GLIS3: variants seen among roughly 807,000 people sequenced by gnomAD.
GLIS3 encodes zinc finger protein GLIS3.
A neutral mutation model predicts 78.6 loss-of-function variants in GLIS3; 53 were observed. That is an observed-to-expected ratio of 0.67 (90% CI 0.54 to 0.85). GLIS3 has a LOEUF of 0.85. GLIS3 is among the 40% of genes least tolerant of loss of function. The pLI is 0.00. For synonymous variants in GLIS3, 684 were observed against 509.9 expected, an observed-to-expected ratio of 1.34 and a Z score of -4.60; for missense variants, 1,703 against 1,231.1, an observed-to-expected ratio of 1.38 and a Z score of -5.74.
At position 4,118,794 on chromosome 9, in the gene GLIS3, G is replaced by A. The variant is rs1257788865; in HGVS notation, c.684C>T (p.Ser228=). The change falls in exon 4 of 11, where the codon TCC becomes TCT. Residue 228 remains serine (S), a synonymous_variant. Coordinates refer to ENST00000381971, the MANE Select transcript of GLIS3 (RefSeq NM_001042413.2). The surrounding 1 kb of genome is among the most constrained non-coding windows in gnomAD (Gnocchi z 4.7). The stretch of plus-strand genomic sequence containing the variant: ...GCGAAGGGAGGGCCCTGTAGCCCTG[G>A]GACCACTCCTGCTTCATGCTTGAGG... ...QSASSMKQEW[S]QGYRALPSLS... 6.2e-7 allele frequency: 1 copy of A among 1,611,300 alleles called. No homozygotes were observed. Among genetic ancestry groups the A allele is most frequent in the Non-Finnish European group, 8.5e-7 (1 of 1,180,012 alleles).
At chr9:4,417,143 CGAT>C in the GLIS3 span, among the ~76,000 whole-genome samples, 1 of 151,994 alleles carries the variant, frequency 6.6e-6, no homozygotes, top group East Asian at 1.9e-4. Flanking sequence ...AACAAATAGT[CGAT>C]GACCAATCAA....
chr9:4,180,830 A>G (rs576560689), intron 2 of GLIS3, among the ~76,000 whole-genome samples: 1 of 152,276 alleles, frequency 6.6e-6, no homozygotes, highest in South Asian at 2.1e-4. Context: ...ACCAGTCAAT[A>G]AAATCTCAAA....
chr9:4,463,141 G>A, the GLIS3 span, among the ~76,000 whole-genome samples: 11 of 152,176 alleles, frequency 7.2e-5, no homozygotes, highest in Non-Finnish European at 1.0e-4. Context: ...GTCACAGAAC[G>A]CAGTGAATAT....
chr9:3,940,215 A>G (rs1223822513), intron 4 of GLIS3, among the ~76,000 whole-genome samples: 2 of 152,232 alleles, frequency 1.3e-5, no homozygotes, highest in Non-Finnish European at 2.9e-5. Flanking sequence ...GATTGTTACA[A>G]AATATACCAA....
intron 4 of GLIS3, among the ~76,000 whole-genome samples, chr9:3,968,648 T>G (rs1460541531): frequency 6.6e-6 from 1 of 152,190 alleles, no homozygotes; most frequent in Non-Finnish European, 1.5e-5. Context: ...TCATCATTTT[T>G]AACAGTAAAT....
chr9:4,061,113 C>T (rs1207255575), intron 4 of GLIS3, among the ~76,000 whole-genome samples: 3 of 151,872 alleles, frequency 2.0e-5, no homozygotes, highest in South Asian at 2.1e-4. Context: ...ATGTGCACAA[C>T]GTGCAGGTTT....
rs1825937114 is a variant in GLIS3, at chr9:3,937,035, A to G, written c.1865T>C (p.Leu622Pro). Residue 622 changes from leucine to proline, a missense_variant, in exon 5 of 11, where the codon CTG becomes CCG. Transcript: ENST00000381971. ...AGCTCCTGCCATTCTTACGGTGTCC[A>G]GATGCGTCCGCTGGTGTTTGGCGCG... ...SDRAKHQRTH[L>P]DTKPYACQIP... The G allele has an allele frequency of 6.2e-7, 1 of 1,612,660 alleles. No homozygotes were observed. The highest frequency in any genetic ancestry group is 1.3e-5 in the African/African-American group (1 of 74,874).
rs1252079860 is a variant in GLIS3, at chr9:4,059,827, T to TGAGA, written c.1710+57940_1710+57941insTCTC. On this transcript the variant is annotated intron_variant, in intron 4 of 10. Transcript: ENST00000381971. ...ATTTGTGTGTGTGTGTGTGTGTGTG[T>TGAGA]GTGAGAGAGAGAGAGAGAGAGAGAG... 3.5e-3 allele frequency among the ~76,000 whole-genome samples: 374 copies of TGAGA among 106,686 alleles called. 1 individual carries two copies. The highest frequency in any genetic ancestry group is 0.012 in the African/African-American group (355 of 29,432). 70.0% of individuals were successfully genotyped at this position (106,686 alleles called of 152,430 possible).
At chr9:4,326,955 T>C (rs1358052800) in intron 2 of GLIS3, among the ~76,000 whole-genome samples, 1 of 152,274 alleles carries the variant, frequency 6.6e-6, no homozygotes, top group East Asian at 1.9e-4. Flanking sequence ...CAACAACACA[T>C]ACTTATTGAG....
At chr9:3,861,043 A>G (rs1820181039) in intron 8 of GLIS3, among the ~76,000 whole-genome samples, 1 of 152,192 alleles carries the variant, frequency 6.6e-6, no homozygotes, top group Non-Finnish European at 1.5e-5. Context: ...AGAAGTCAGG[A>G]ATATCAAAGT....
At chr9:4,231,254 A>G (rs911486) in intron 2 of GLIS3, among the ~76,000 whole-genome samples, 151,082 of 152,270 alleles carry the variant, frequency 0.99, 74,965 homozygotes, top group Non-Finnish European at 1. Flanking sequence ...AAACTCAATG[A>G]ATGAGTTCAA....
intron 2 of GLIS3, among the ~76,000 whole-genome samples, chr9:4,148,931 T>C (rs1232456922): frequency 6.6e-6 from 1 of 152,040 alleles, no homozygotes; most frequent in Non-Finnish European, 1.5e-5. Context: ...ACAAAGCTCG[T>C]CCCTATCAAC....
chr9:4,133,874 A>ACACACACACACACACACC (rs768664577), intron 2 of GLIS3, among the ~76,000 whole-genome samples: 2 of 123,984 alleles, frequency 1.6e-5, no homozygotes, highest in Non-Finnish European at 3.5e-5. Context: ...ACACACACAC[A>ACACACACACACACACACC]CCGTACATCT....
intron 2 of GLIS3, among the ~76,000 whole-genome samples, chr9:4,244,325 T>A (rs1823596593): frequency 6.6e-6 from 1 of 152,240 alleles, no homozygotes; most frequent in Admixed American, 6.5e-5. Flanking sequence ...CTCCTAACAA[T>A]TGACTTGGAT....
At chr9:4,044,854 T>A (rs1825119856) in intron 4 of GLIS3, among the ~76,000 whole-genome samples, 1 of 152,038 alleles carries the variant, frequency 6.6e-6, no homozygotes, top group Non-Finnish European at 1.5e-5. Context: ...CCAGACACCA[T>A]CTTGAAAGTC....
intron 6 of GLIS3, among the ~76,000 whole-genome samples, chr9:3,910,684 G>C (rs1017831117): frequency 6.6e-6 from 1 of 152,188 alleles, no homozygotes; most frequent in Non-Finnish European, 1.5e-5. Flanking sequence ...AAGAGCTTGA[G>C]GCTTTTAGTT....
intron 2 of GLIS3, among the ~76,000 whole-genome samples, chr9:4,188,251 T>A (rs1376330688): frequency 6.6e-6 from 1 of 151,612 alleles, no homozygotes; most frequent in African/African-American, 2.4e-5. Flanking sequence ...TCTATTGAGA[T>A]AATCATGTGG....
chr9:3,896,467 C>A (rs1822837318), intron 7 of GLIS3, among the ~76,000 whole-genome samples: 2 of 151,778 alleles, frequency 1.3e-5, no homozygotes, highest in South Asian at 4.2e-4. Context: ...GAGTTTGAGA[C>A]CAGCCTGGCC....
chr9:4,110,607 T>C (rs1831129960), intron 4 of GLIS3, among the ~76,000 whole-genome samples: 1 of 152,120 alleles, frequency 6.6e-6, no homozygotes, highest in Admixed American at 6.6e-5. Context: ...ATTAGACAGA[T>C]TGGTCTCCCC....
Sources: allele counts gnomAD v4.1 joint callset (sites outside exome capture counted in the v4.1 genomes callset), GRCh38; gene constraint gnomAD v4.1.1; non-coding constraint Gnocchi (gnomAD v3.1); transcripts MANE v1.5; gene names NCBI Gene and HGNC (gene_info 2026-07-23, HGNC 2026-07-21).